The following PLXNC1 variants were observed in gnomAD, a reference collection of about 807,000 sequenced individuals.
PLXNC1 encodes plexin-C1.
PLXNC1 carries 75 observed loss-of-function variants against 178.2 expected under a neutral mutation model. The observed-to-expected ratio is 0.42, with a 90% CI of 0.35 to 0.51. The LOEUF is 0.51. Among genes scored for constraint, PLXNC1 ranks in the 20% least tolerant of loss-of-function variants. The pLI is 0.02. For synonymous variants in PLXNC1, 790 were observed against 779.9 expected (o/e 1.01, Z -0.22); for missense variants, 1,503 against 1,984.4 (o/e 0.76, Z 4.61).
At chr12:94,187,152 C>T (rs1280645388) in intron 4 of PLXNC1, among the ~76,000 whole-genome samples, 1 of 149,886 alleles carries the variant, frequency 6.7e-6, no homozygotes, top group African/African-American at 2.5e-5. Flanking sequence ...AGGAGAGAGC[C>T]TTCGCTGCAG....
intron 4 of PLXNC1, among the ~76,000 whole-genome samples, chr12:94,188,615 C>T (rs10859682): frequency 0.37 from 55,902 of 152,118 alleles, 11,491 homozygotes; most frequent in East Asian, 0.59. Context: ...TGAGCCACCA[C>T]GCCCAGCCAG....
At chr12:94,297,627 A>G (rs1445799984) in intron 26 of PLXNC1, among the ~76,000 whole-genome samples, 2 of 152,186 alleles carry the variant, frequency 1.3e-5, no homozygotes, top group Non-Finnish European at 2.9e-5. Context: ...ACAGATTTGT[A>G]CTGTAGTATC....
rs575720696 is a variant in PLXNC1 at position 94,174,473 on chromosome 12, C to T, written c.1203+5180C>T. Among the ~76,000 whole-genome samples, 31 of 152,310 alleles carry T rather than the reference C, an allele frequency of 2.0e-4. 1 individual carries two copies. In the East Asian group the frequency reaches 5.8e-3, roughly 28 times the overall value. ...GATTACAGGCATGAGCCACTGCACA[C>T]GGCGCCACTCAGGGATTTCGTTTAT... On this transcript the variant is annotated intron_variant, in intron 2 of 30. Transcript: ENST00000258526.
Position 94,260,940 on chromosome 12 carries a change from T to C in PLXNC1, c.3450+100T>C. ...GCCAGGATAAATCCTGAATGCTCGA[T>C]GGTGTCAGCACTTAACCATGTTTCG... is the stretch of plus-strand genomic sequence containing the variant. On this transcript the variant is annotated intron_variant, in intron 20 of 30. Transcript: ENST00000258526. This position sits in a 1 kb window ranked among gnomAD's most constrained non-coding sequence, Gnocchi z 4.4. The C allele has an allele frequency of 4.1e-6, 4 of 974,548 alleles. No homozygotes were observed. The highest frequency in any genetic ancestry group is 4.8e-6 in the Non-Finnish European group (3 of 624,920). 60.4% of individuals were successfully genotyped at this position (974,548 alleles called of 1,614,324 possible).
At chr12:94,236,102 T>A (rs1964233429) in intron 9 of PLXNC1, among the ~76,000 whole-genome samples, 1 of 152,222 alleles carries the variant, frequency 6.6e-6, no homozygotes, top group African/African-American at 2.4e-5. Context: ...TAAAATGCAG[T>A]CAAGTATAAC....
At chr12:94,205,890 T>C (rs1963284580) in intron 4 of PLXNC1, among the ~76,000 whole-genome samples, 1 of 152,232 alleles carries the variant, frequency 6.6e-6, no homozygotes, top group African/African-American at 2.4e-5. Flanking sequence ...TTAGGATCTA[T>C]AGGAAGGCAT....
intron 17 of PLXNC1, 122 bp downstream of exon 17, chr12:94,255,418 A>C (rs1964813042): frequency 1.4e-6 from 1 of 714,090 alleles, no homozygotes; most frequent in African/African-American, 1.7e-5. Context: ...TACAAAAATA[A>C]TGGCTTAAGT....
intron 3 of PLXNC1, among the ~76,000 whole-genome samples, chr12:94,185,307 C>CAAAATAGAGA (rs558822886): frequency 2.0e-4 from 30 of 152,274 alleles, no homozygotes; most frequent in African/African-American, 7.2e-4. Flanking sequence ...GTTTTCCTCA[C>CAAAATAGAGA]AAAATAGAGA....
chr12:94,164,459 C>T (rs1244954840), intron 1 of PLXNC1, among the ~76,000 whole-genome samples: 1 of 139,130 alleles, frequency 7.2e-6, no homozygotes, highest in Non-Finnish European at 1.6e-5. Flanking sequence ...CTCGATGAGC[C>T]GGGCCATCTT....
At position 94,148,945 on chromosome 12, in the gene PLXNC1, C is replaced by G; in HGVS notation, c.-27C>G. 9.8e-7 allele frequency: 1 copy of G among 1,016,996 alleles called. No homozygotes were observed. Among genetic ancestry groups the G allele is most frequent in the Non-Finnish European group, 1.2e-6 (1 of 800,192 alleles). The allele number at this position is 1,016,996 out of a possible 1,614,324, so 63.0% of individuals were successfully genotyped here. On this transcript the variant is annotated 5_prime_UTR_variant, in exon 1 of 31. Transcript: ENST00000258526. The surrounding 1 kb of genome is among the most constrained non-coding windows in gnomAD (Gnocchi z 4.8). ...TGAGCCGCCGTCGCCGCCGCGCGCCCTGCCCGGGGGCGGCCCCCCCAGCCC... is the reference window on the plus strand; with the variant it reads ...TGAGCCGCCGTCGCCGCCGCGCGCCGTGCCCGGGGGCGGCCCCCCCAGCCC...
chr12:94,280,357 A>G (rs111464992), intron 22 of PLXNC1, among the ~76,000 whole-genome samples: 1 of 152,222 alleles, frequency 6.6e-6, no homozygotes, highest in African/African-American at 2.4e-5. Flanking sequence ...GAATAGAATC[A>G]TGGTGGTGAC....
At chr12:94,191,875 A>T (rs1382629008) in intron 4 of PLXNC1, among the ~76,000 whole-genome samples, 1 of 152,070 alleles carries the variant, frequency 6.6e-6, no homozygotes, top group Non-Finnish European at 1.5e-5. Flanking sequence ...CTCAGATCCA[A>T]CCTGTGCTGA....
At chr12:94,230,894 T>C (rs1054314451) in intron 9 of PLXNC1, among the ~76,000 whole-genome samples, 9 of 152,236 alleles carry the variant, frequency 5.9e-5, no homozygotes, top group African/African-American at 1.9e-4. Flanking sequence ...TGATTCTTTC[T>C]AGAGGCATTT....
intron 8 of PLXNC1, 96 bp from the exon 9 acceptor site, chr12:94,227,053 G>T: frequency 1.2e-6 from 1 of 855,030 alleles, no homozygotes; most frequent in Non-Finnish European, 2.0e-6. Flanking sequence ...AAAAATAAAT[G>T]TTTGTGACTG....
intron 21 of PLXNC1, chr12:94,272,168 C>T (rs1385166510): frequency 6.6e-6 from 1 of 152,120 alleles, no homozygotes; most frequent in Non-Finnish European, 1.5e-5. Context: ...GGCATCATTC[C>T]CAAATCAATC....
chr12:94,167,564 T>C lies in PLXNC1; in HGVS notation c.1063-1589T>C, dbSNP rs181245455. ...AAGATGTGTGGCATGGTTTTACTTA[T>C]TTTTTTAATCCTAAAGGTCATCCGA... On this transcript the variant is annotated intron_variant, in intron 1 of 30. Transcript: ENST00000258526. Among the ~76,000 whole-genome samples the C allele has an allele frequency of 8.1e-4, 123 of 152,288 alleles. 1 individual carries two copies. In the Middle Eastern group the frequency reaches 0.017, roughly 21 times the overall value.
chr12:94,178,347 G>A (rs1360284164), intron 2 of PLXNC1, among the ~76,000 whole-genome samples: 3 of 152,142 alleles, frequency 2.0e-5, no homozygotes, highest in African/African-American at 4.8e-5. Flanking sequence ...TACATTATGG[G>A]TGGTGCTGCC....
intron 28 of PLXNC1, 89 bp downstream of exon 28, chr12:94,301,146 G>A (rs1007545990): frequency 2.6e-5 from 30 of 1,148,172 alleles, no homozygotes; most frequent in Non-Finnish European, 3.8e-5. Flanking sequence ...ATAAACAATT[G>A]GTCTAAACTA....
intron 9 of PLXNC1, among the ~76,000 whole-genome samples, chr12:94,230,470 C>G (rs902481260): frequency 2.0e-5 from 3 of 152,038 alleles, no homozygotes; most frequent in Non-Finnish European, 4.4e-5. Context: ...AAACAAAAGC[C>G]CAGATCTGTT....
Sources: gnomAD v4.1 joint callset for allele counts (sites outside exome capture counted in the v4.1 genomes callset) on GRCh38, gnomAD v4.1.1 for gene constraint, Gnocchi (gnomAD v3.1) non-coding constraint, MANE v1.5 for transcripts, NCBI Gene and HGNC (gene_info 2026-07-23, HGNC 2026-07-21) for gene names.